KIF18A: variants seen among roughly 807,000 people sequenced by gnomAD.
The protein encoded by KIF18A is kinesin family member 18A, also known as kinesin-like protein KIF18A.
Under a neutral mutation model 103.3 loss-of-function variants are expected in KIF18A, and 67 were observed. The ratio of observed to expected loss-of-function variants is 0.65; its 90% CI spans 0.53 to 0.79. The LOEUF (loss-of-function observed/expected upper bound fraction) is 0.79. Ranked by LOEUF, KIF18A falls within the 30% of genes least tolerant of loss-of-function variation. The pLI is 0.00. For synonymous variants in KIF18A, 367 were observed against 355.5 expected (o/e 1.03, Z -0.36); for missense variants, 1,032 against 1,062.5 (o/e 0.97, Z 0.40).
rs749007865 is a variant in KIF18A at position 28,032,635 on chromosome 11, A to G, written c.2504+2752T>C. On this transcript the variant is annotated intron_variant, in intron 15 of 16. Transcript: ENST00000263181. The stretch of plus-strand genomic sequence containing the variant: ...ATTGGGAAAAAAGATAGTCTCTTCA[A>G]TAAACAGTGCTGGAAAACTGTTTAT... Among the ~76,000 whole-genome samples the G allele has an allele frequency of 1.0e-3, 156 of 152,116 alleles. 2 individuals carry two copies. The highest frequency in any genetic ancestry group is 3.1e-4 in the Non-Finnish European group (21 of 67,944).
At chr11:28,027,380 C>G (rs1400538153) in intron 15 of KIF18A, among the ~76,000 whole-genome samples, 2 of 151,640 alleles carry the variant, frequency 1.3e-5, no homozygotes, top group African/African-American at 4.8e-5. Context: ...CTACTATATA[C>G]CTAGGTATGT....
At chr11:28,086,189 T>A (rs183589349) in intron 6 of KIF18A, among the ~76,000 whole-genome samples, 1 of 152,248 alleles carries the variant, frequency 6.6e-6, no homozygotes, top group African/African-American at 2.4e-5. Flanking sequence ...ATATTTCCAA[T>A]CATTGAAAAA....
chr11:28,049,463 G>A (rs1316291655), intron 13 of KIF18A, among the ~76,000 whole-genome samples: 3 of 151,934 alleles, frequency 2.0e-5, no homozygotes, highest in Admixed American at 6.6e-5. Flanking sequence ...GACTGTAAAC[G>A]TTAAGAGATT....
chr11:28,036,820 T>C (rs569405148), intron 13 of KIF18A, among the ~76,000 whole-genome samples, 156 bp from the exon 14 acceptor site: 4 of 151,550 alleles, frequency 2.6e-5, no homozygotes, highest in Admixed American at 1.3e-4. Context: ...AATATCACGG[T>C]TTACTGCTAA....
intron 12 of KIF18A, 136 bp from the exon 13 acceptor site, chr11:28,059,297 CAGAT>C (rs1200962674): frequency 1.4e-6 from 1 of 696,396 alleles, no homozygotes; most frequent in Non-Finnish European, 2.4e-6. Flanking sequence ...GTTCTAGTCT[CAGAT>C]TGTCTTCACT....
chr11:28,052,189 C>T (rs1850719288), intron 13 of KIF18A, among the ~76,000 whole-genome samples: 1 of 152,080 alleles, frequency 6.6e-6, no homozygotes, highest in South Asian at 2.1e-4. Context: ...TGTTTCAGCC[C>T]TTGCCATAGT....
chr11:28,080,097 C>T (rs1175347304), intron 9 of KIF18A, among the ~76,000 whole-genome samples: 2 of 151,916 alleles, frequency 1.3e-5, no homozygotes, highest in East Asian at 3.9e-4. Context: ...ATGAAATATA[C>T]AAATAATGAT....
At chr11:28,095,679 C>G (rs1009329512) in intron 2 of KIF18A, among the ~76,000 whole-genome samples, 1 of 152,100 alleles carries the variant, frequency 6.6e-6, no homozygotes, top group Admixed American at 6.5e-5. Context: ...CTATTCAGTA[C>G]AAGAAAGTCA....
At chr11:28,071,506 A>T (rs943472839) in intron 10 of KIF18A, among the ~76,000 whole-genome samples, 4 of 149,066 alleles carry the variant, frequency 2.7e-5, no homozygotes, top group Non-Finnish European at 4.5e-5. Context: ...TATTAATATA[A>T]TTTTTATTAT....
Position 28,083,158 on chromosome 11 carries a change from A to C in KIF18A, c.1149+11T>G. 6.4e-7 allele frequency: 1 copy of C among 1,574,422 alleles called. No individual in the cohort carries two copies. Among genetic ancestry groups the C allele is most frequent in the East Asian group, 2.3e-5 (1 of 43,898 alleles). On this transcript the variant is annotated intron_variant, in intron 8 of 16. Transcript: ENST00000263181. ...TGCGCAAGACTAGCATAAAAATATA[A>C]ACAGACATACCTCTGCCTTCTGCTC... is the stretch of plus-strand genomic sequence containing the variant.
Position 28,097,667 on chromosome 11 carries a change from G to T in KIF18A, c.281C>A (p.Thr94Asn), listed in dbSNP as rs773782706. The stretch of plus-strand genomic sequence containing the variant: ...CAAAAAACTACGAAGAATTGGCTTA[G>T]TAGTGTGTTCAAAAACTTCTGACTG... ...STQSEVFEHTTKPILRSFLNG... is the reference protein window; with the variant it reads ...STQSEVFEHTNKPILRSFLNG... The change falls in exon 2 of 17, where the codon ACT becomes AAT. Residue 94 changes from threonine (T) to asparagine (N), a missense_variant. Thr to Asn is a moderately conservative substitution (Grantham distance 65, BLOSUM62 0). Coordinates refer to ENST00000263181, the MANE Select transcript of KIF18A (RefSeq NM_031217.4). The T allele has an allele frequency of 2.5e-6, 4 of 1,611,368 alleles. No homozygotes were observed. The East Asian group carries it at 8.9e-5, about 36-fold the overall frequency.
intron 13 of KIF18A, 104 bp from the exon 14 acceptor site, chr11:28,036,768 T>C (rs1590666816): frequency 1.6e-6 from 1 of 623,502 alleles, no homozygotes; most frequent in Non-Finnish European, 2.5e-6. Context: ...GGTATTTTTA[T>C]GCCAATTGAT....
intron 16 of KIF18A, among the ~76,000 whole-genome samples, chr11:28,022,426 G>A (rs562782316): frequency 1.5e-4 from 23 of 151,976 alleles, no homozygotes; most frequent in African/African-American, 5.3e-4. Flanking sequence ...CACCATGCCC[G>A]GCTAATTTTT....
intron 15 of KIF18A, among the ~76,000 whole-genome samples, chr11:28,029,716 A>T (rs1457490487): frequency 6.6e-6 from 1 of 150,416 alleles, no homozygotes; most frequent in East Asian, 2.0e-4. Context: ...AAGGTATTCA[A>T]TTAGGAAAAG....
intron 6 of KIF18A, 30 bp from the exon 7 acceptor site, chr11:28,084,838 AT>A: frequency 6.4e-7 from 1 of 1,560,228 alleles, no homozygotes; most frequent in Admixed American, 1.7e-5. Flanking sequence ...ATCTTATGTC[AT>A]TTTCCACATT....
chr11:28,066,946 C>A lies in KIF18A; in HGVS notation c.1590+2313G>T, dbSNP rs1590691319. Reference sequence around the variant, plus strand: ...ATAGTATTAAACTATTATTTATCATCCATTATTATTTGTTAAGTGTTGCTA... The same window carrying A: ...ATAGTATTAAACTATTATTTATCATACATTATTATTTGTTAAGTGTTGCTA... On this transcript the variant is annotated intron_variant, in intron 11 of 16. Coordinates refer to ENST00000263181, the MANE Select transcript of KIF18A (RefSeq NM_031217.4). Among the ~76,000 whole-genome samples the A allele has an allele frequency of 6.6e-5, 10 of 151,642 alleles. 2 individuals carry two copies. In the South Asian group the frequency reaches 2.1e-3, roughly 32 times the overall value.
At chr11:28,094,838 G>A (rs770846692) in intron 2 of KIF18A, 38 bp from the exon 3 acceptor site, 1 of 1,571,890 alleles carries the variant, frequency 6.4e-7, no homozygotes, top group Non-Finnish European at 8.8e-7. Flanking sequence ...TCTTTGTTAT[G>A]AAATATAACT....
intron 13 of KIF18A, 138 bp from the exon 14 acceptor site, chr11:28,036,802 G>T (rs958778335): frequency 1.9e-6 from 1 of 522,306 alleles, no homozygotes; most frequent in Non-Finnish European, 3.3e-6. Flanking sequence ...ATATAAGTTG[G>T]AAAGGAAAAT....
At chr11:28,060,447 T>C (rs1180849400) in intron 12 of KIF18A, among the ~76,000 whole-genome samples, 2 of 152,196 alleles carry the variant, frequency 1.3e-5, no homozygotes, top group East Asian at 3.9e-4. Flanking sequence ...TTGTGACCTT[T>C]TTCCTTTTGG....
Sources: gnomAD v4.1 joint callset for allele counts (sites outside exome capture counted in the v4.1 genomes callset) on GRCh38, gnomAD v4.1.1 for gene constraint, MANE v1.5 for transcripts, NCBI Gene and HGNC (gene_info 2026-07-23, HGNC 2026-07-21) for gene names.